RDH13: variants seen among roughly 807,000 people sequenced by gnomAD.
RDH13 encodes retinol dehydrogenase 13, also known as retinol dehydrogenase 13 (all-trans and 9-cis).
In RDH13, 35 loss-of-function variants were observed where a neutral mutation model predicts 28.3. That is an observed-to-expected ratio of 1.24 (90% CI 0.95 to 1.64). The LOEUF (loss-of-function observed/expected upper bound fraction) is 1.64. Ranked by LOEUF, RDH13 falls within the 40% of genes most tolerant of loss-of-function variation. The pLI is 0.00. For missense variants in RDH13, 514 were observed against 446.3 expected, an observed-to-expected ratio of 1.15 and a Z score of -1.37; for synonymous variants, 229 against 198.5, an observed-to-expected ratio of 1.15 and a Z score of -1.29.
In RDH13 at chr19:55,047,332, A is replaced by C. The variant is rs1424112183; in HGVS notation, c.760+55T>G. ...AGGGAGGGTCCTGGGCCCTGGGCTG[A>C]GAAAGCAGGGGTGGAGGGCTCCACG... is the stretch of plus-strand genomic sequence containing the variant. On this transcript the variant is annotated intron_variant, in intron 6 of 6. Coordinates refer to ENST00000415061, the MANE Select transcript of RDH13 (RefSeq NM_001145971.2). 7 of 1,584,784 alleles carry C rather than the reference A, an allele frequency of 4.4e-6. No individual in the cohort carries two copies. In the Admixed American group the frequency reaches 8.9e-5, roughly 20 times the overall value.
At chr19:55,064,816 T>G (rs535379604), upstream of RDH13, among the ~76,000 whole-genome samples, 5 of 150,352 alleles carry the variant, frequency 3.3e-5, no homozygotes, top group East Asian at 8.1e-4. Context: ...TTTCACCATG[T>G]TGGCCAGGTT....
intron 6 of RDH13, chr19:55,046,551 T>A (rs2075241103): frequency 6.6e-6 from 1 of 151,934 alleles, no homozygotes; most frequent in Admixed American, 6.6e-5. Flanking sequence ...GCGTGGCTAT[T>A]AGCCTCGCCA....
intron 3 of RDH13, among the ~76,000 whole-genome samples, chr19:55,049,418 G>A (rs572721715): frequency 3.3e-5 from 5 of 152,250 alleles, no homozygotes; most frequent in African/African-American, 1.2e-4. Context: ...TGTAAAATGC[G>A]CTGAACCACA....
chr19:55,048,769 A>AG lies in RDH13; in HGVS notation c.341-7dup, dbSNP rs745574476. The AG allele has an allele frequency of 3.1e-5, 50 of 1,612,120 alleles. No homozygotes were observed. Among genetic ancestry groups the AG allele is most frequent in the Non-Finnish European group, 4.0e-5 (47 of 1,178,490 alleles). ...AATGTCCACTCGCTCCTCCTCTGGA[A>AG]GAGAGGGGTGGAGGAGGAGACATCC... On this transcript the variant is annotated splice_polypyrimidine_tract_variant and splice_region_variant and intron_variant, in intron 3 of 6. Coordinates refer to ENST00000415061, the MANE Select transcript of RDH13 (RefSeq NM_001145971.2).
Position 55,048,519 on chromosome 19 carries a change from C to CAAGTTTGTCAAGAGAAAGTGACCTGGATT in RDH13, c.446-7_467dup (p.Leu157IlefsTer7). On this transcript the variant is annotated stop_gained and frameshift_variant, in exon 5 of 7. Transcript: ENST00000415061. LOFTEE classifies it high-confidence loss of function. ...CTGAGGCTTTCAGCTTGTCCAGCAG[C>CAAGTTTGTCAAGAGAAAGTGACCTGGATT]AAGTTTGTCAAGAGAAAGTGACCTG... 1.9e-6 allele frequency: 3 copies of CAAGTTTGTCAAGAGAAAGTGACCTGGATT among 1,614,178 alleles called. No homozygotes were observed. Among genetic ancestry groups the CAAGTTTGTCAAGAGAAAGTGACCTGGATT allele is most frequent in the Non-Finnish European group, 2.5e-6 (3 of 1,180,040 alleles).
upstream of RDH13, chr19:55,063,258 A>C (rs1171246293): frequency 2.5e-6 from 1 of 399,892 alleles, no homozygotes; most frequent in East Asian, 3.7e-5. Flanking sequence ...GAGCGCTGTC[A>C]CAGCTGGGAT....
intron 6 of RDH13, among the ~76,000 whole-genome samples, chr19:55,045,928 AAT>A (rs1366273865): frequency 8.8e-6 from 1 of 113,896 alleles, no homozygotes; most frequent in African/African-American, 3.5e-5. Flanking sequence ...CCTGGGTGAC[AAT>A]AGCAAGACTT....
intron 6 of RDH13, among the ~76,000 whole-genome samples, chr19:55,046,021 G>T (rs1328439210): frequency 1.3e-5 from 2 of 150,472 alleles, no homozygotes; most frequent in Admixed American, 1.3e-4. Flanking sequence ...GCTGAGGCAG[G>T]TGGATCACCT....
chr19:55,048,227 T>C, intron 5 of RDH13, 102 bp downstream of exon 5: 1 of 1,563,244 alleles, frequency 6.4e-7, no homozygotes, highest in Non-Finnish European at 8.6e-7. Context: ...GCTGACTCTG[T>C]TCTGGATCCA....
upstream of RDH13, among the ~76,000 whole-genome samples, chr19:55,068,079 C>T (rs1459929051): frequency 7.2e-6 from 1 of 139,610 alleles, no homozygotes; most frequent in African/African-American, 2.6e-5. Flanking sequence ...TCTTTCTCTC[C>T]CCCTTCCTCT....
upstream of RDH13, among the ~76,000 whole-genome samples, chr19:55,065,995 A>C (rs916570011): frequency 6.6e-6 from 1 of 152,190 alleles, no homozygotes; most frequent in African/African-American, 2.4e-5. Flanking sequence ...TGGGATTACA[A>C]AGCGTGAGCC....
At chr19:55,059,326 C>A in intron 1 of RDH13, 51 bp from the exon 2 acceptor site, 1 of 1,246,724 alleles carries the variant, frequency 8.0e-7, no homozygotes, top group Non-Finnish European at 1.1e-6. Flanking sequence ...TCTCACCCCA[C>A]GTGCCCCTGA....
At position 55,045,032 on chromosome 19, in the gene RDH13, G is replaced by A. The variant is rs191205817; in HGVS notation, c.*42C>T. 46 of 1,433,096 alleles carry A rather than the reference G, an allele frequency of 3.2e-5. No individual in the cohort carries two copies. Among genetic ancestry groups the A allele is most frequent in the Middle Eastern group, 1.9e-4 (1 of 5,334 alleles). The allele number at this position is 1,433,096 out of a possible 1,614,324, so 88.8% of individuals were successfully genotyped here. A position where few individuals can be genotyped will look rare whatever the true frequency, so the allele number is the denominator to read the frequency against. On this transcript the variant is annotated 3_prime_UTR_variant, in exon 7 of 7. Transcript: ENST00000415061. ...GCGGGCATGGCGGACAGCTGTCCTC[G>A]GTCTGGAGGCGCCATCCTGGCTTTC...
intron 3 of RDH13, among the ~76,000 whole-genome samples, chr19:55,050,335 T>G (rs2075388874): frequency 6.6e-6 from 1 of 152,126 alleles, no homozygotes; most frequent in African/African-American, 2.4e-5. Flanking sequence ...CAGGCTAGTC[T>G]CACACTCCTG....
intron 3 of RDH13, among the ~76,000 whole-genome samples, chr19:55,049,382 G>T (rs2075354224): frequency 6.6e-6 from 1 of 152,180 alleles, no homozygotes. Context: ...CACACAGATG[G>T]AGACTGCAGC....
chr19:55,051,458 C>T (rs1217308914), intron 3 of RDH13, among the ~76,000 whole-genome samples: 3 of 151,656 alleles, frequency 2.0e-5, no homozygotes, highest in Non-Finnish European at 4.4e-5. Flanking sequence ...AAGTCTCACT[C>T]TGCCACCCAG....
Position 55,048,761 on chromosome 19 carries a change from C to T in RDH13, c.343G>A (p.Glu115Lys), listed in dbSNP as rs1390091520. Residue 115 changes from glutamate to lysine, a missense_variant and splice_region_variant, in exon 4 of 7, where the codon GAG (glutamate) becomes AAG (lysine). Coordinates refer to ENST00000415061, the MANE Select transcript of RDH13 (RefSeq NM_001145971.2). ...REFAAKIIEE[E>K]ERVDILINNA... Reference sequence around the variant, plus strand: ...TTGATTAGAATGTCCACTCGCTCCTCCTCTGGAAGAGAGGGGTGGAGGAGG... The same window carrying T: ...TTGATTAGAATGTCCACTCGCTCCTTCTCTGGAAGAGAGGGGTGGAGGAGG... 2.5e-6 allele frequency: 4 copies of T among 1,613,742 alleles called. No homozygotes were observed. The highest frequency in any genetic ancestry group is 3.4e-6 in the Non-Finnish European group (4 of 1,179,812).
upstream of RDH13, chr19:55,064,401 C>T (rs2075904603): frequency 6.9e-6 from 1 of 144,282 alleles, no homozygotes; most frequent in Non-Finnish European, 1.5e-5. Context: ...AGCCTGGCGA[C>T]AGAGTGAAAT....
chr19:55,062,772 G>A (rs372915476), intron 1 of RDH13, among the ~76,000 whole-genome samples, 196 bp downstream of exon 1: 1 of 152,260 alleles, frequency 6.6e-6, no homozygotes, highest in African/African-American at 2.4e-5. Flanking sequence ...GCCCAGGCTC[G>A]CCCTTCCCTC....
Sources: gnomAD v4.1 joint callset for allele counts (sites outside exome capture counted in the v4.1 genomes callset) on GRCh38, gnomAD v4.1.1 for gene constraint, MANE v1.5 for transcripts, NCBI Gene and HGNC (gene_info 2026-07-23, HGNC 2026-07-21) for gene names.